The following ALOX12 variants were observed in gnomAD, a reference collection of about 807,000 sequenced individuals.
The protein encoded by ALOX12 is polyunsaturated fatty acid lipoxygenase ALOX12.
In ALOX12, 62 loss-of-function variants were observed where a neutral mutation model predicts 85.5. The observed-to-expected ratio is 0.73, with a 90% CI of 0.59 to 0.90. The LOEUF (loss-of-function observed/expected upper bound fraction) is 0.90, where lower values mean the gene tolerates loss of function less well. ALOX12 is among the 40% of genes least tolerant of loss of function. The pLI is 0.00. For synonymous variants in ALOX12, 299 were observed against 332.7 expected (o/e 0.90, Z 1.10); for missense variants, 751 against 856.5 (o/e 0.88, Z 1.54).
rs1473647099 is a variant in ALOX12, at chr17:7,010,521, C to T, written c.*98C>T. The T allele has an allele frequency of 9.2e-6, 13 of 1,406,982 alleles. No individual in the cohort carries two copies. Among genetic ancestry groups the T allele is most frequent in the Admixed American group, 2.5e-5 (1 of 40,626 alleles). 87.2% of individuals were successfully genotyped at this position (1,406,982 alleles called of 1,614,324 possible). A position where few individuals can be genotyped will look rare whatever the true frequency, so the allele number is the denominator to read the frequency against. On this transcript the variant is annotated 3_prime_UTR_variant, in exon 14 of 14. Transcript: ENST00000251535. ...TTTCCTAAAGTCTCTGCTGCTAAGG[C>T]TCTATTTCCTCCCCCAGTTAAACCC...
At chr17:7,002,291 T>A (rs999722259) in intron 8 of ALOX12, 1 of 345,896 alleles carries the variant, frequency 2.9e-6, no homozygotes, top group Non-Finnish European at 5.7e-6. Flanking sequence ...AAGCCGCTCA[T>A]ACCTGCCCAA....
In ALOX12 at chr17:6,999,442, G is replaced by A. The variant is rs1440003322; in HGVS notation, c.783G>A (p.Gln261=). The change falls in exon 6 of 14, where the codon CAG becomes CAA. Residue 261 remains glutamine (Q), a synonymous_variant. Transcript: ENST00000251535. ...TGCCCTCGGGGATGGAAGAGCTTCA[G>A]GCTCAACTGGAGAAAGAACTTCAGG... ...LVLPSGMEEL[Q]AQLEKELQNG... The A allele has an allele frequency of 6.2e-7, 1 of 1,614,012 alleles. No individual in the cohort carries two copies. Among genetic ancestry groups the A allele is most frequent in the African/African-American group, 1.3e-5 (1 of 74,922 alleles).
rs1908667907 is a variant in ALOX12 at position 7,000,742 on chromosome 17, G to C, written c.951+263G>C. On this transcript the variant is annotated intron_variant, in intron 7 of 13. Coordinates refer to ENST00000251535, the MANE Select transcript of ALOX12 (RefSeq NM_000697.3). The surrounding 1 kb of genome is among the most constrained non-coding windows in gnomAD (Gnocchi z 4.6). Reference sequence around the variant, plus strand: ...CAGTGTGCATCAGAATCACCTGAATGCCTGTTGAAATGCAGATTTCTGGAT... The same window carrying C: ...CAGTGTGCATCAGAATCACCTGAATCCCTGTTGAAATGCAGATTTCTGGAT... Among the ~76,000 whole-genome samples the C allele has an allele frequency of 6.6e-6, 1 of 152,128 alleles. No individual in the cohort carries two copies. Among genetic ancestry groups the C allele is most frequent in the Non-Finnish European group, 1.5e-5 (1 of 68,038 alleles).
At chr17:7,006,147 G>GAGA (rs1169431356) in intron 10 of ALOX12, 120 bp downstream of exon 10, 1 of 887,598 alleles carries the variant, frequency 1.1e-6, no homozygotes, top group East Asian at 2.7e-5. Flanking sequence ...CAATCCTGGG[G>GAGA]AGAGATGAGG....
Position 7,000,648 on chromosome 17 carries a change from G to A in ALOX12, c.951+169G>A, listed in dbSNP as rs1908664943. On this transcript the variant is annotated intron_variant, in intron 7 of 13. Transcript: ENST00000251535. The surrounding 1 kb of genome is among the most constrained non-coding windows in gnomAD (Gnocchi z 4.6). ...TCGTCTCCCCTGCCTCATCCAACTA[G>A]AATTACTTTTTCAAGAGTCAAAATG... Among the ~76,000 whole-genome samples, 1 of 152,142 alleles carries A rather than the reference G, an allele frequency of 6.6e-6. No homozygotes were observed. The highest frequency in any genetic ancestry group is 1.5e-5 in the Non-Finnish European group (1 of 68,032).
At chr17:7,009,550 G>C (rs1261817317) in intron 11 of ALOX12, 197 bp from the exon 12 acceptor site, 1 of 558,014 alleles carries the variant, frequency 1.8e-6, no homozygotes, top group Non-Finnish European at 3.2e-6. Context: ...AAAAAACTGA[G>C]GTTCAAATAG....
At chr17:7,004,434 T>A (rs1446911138) in intron 8 of ALOX12, among the ~76,000 whole-genome samples, 1 of 145,894 alleles carries the variant, frequency 6.9e-6, no homozygotes, top group Non-Finnish European at 1.5e-5. Context: ...CAATATTAAA[T>A]TAAATTTTAA....
Position 6,996,154 on chromosome 17 carries a change from TG to T in ALOX12, c.39del (p.Trp13CysfsTer51). Reference sequence around the variant, plus strand: ...CCGCATCCGCGTGGCCACCGGGGCCTGGCTCTTCTCCGGGTCGTACAACCGC... The same window carrying T: ...CCGCATCCGCGTGGCCACCGGGGCCTGCTCTTCTCCGGGTCGTACAACCGC... ...RYRIRVATGAWLFSGSYNRVQ... is the reference protein window; with the variant it reads ...RYRIRVATGAXLFSGSYNRVQ... On this transcript the variant is annotated frameshift_variant, in exon 1 of 14. Transcript: ENST00000251535. LOFTEE classifies it high-confidence loss of function. 1 of 1,253,494 alleles carries T rather than the reference TG, an allele frequency of 8.0e-7. No homozygotes were observed. The highest frequency in any genetic ancestry group is 3.9e-5 in the South Asian group (1 of 25,700). 77.6% of individuals were successfully genotyped at this position (1,253,494 alleles called of 1,614,324 possible).
Position 6,999,410 on chromosome 17 carries a change from C to CT in ALOX12, c.752dup (p.Val252SerfsTer24). The stretch of plus-strand genomic sequence containing the variant: ...ACGCTCGACCTCTCTGCCCTCCAGG[C>CT]TAGTGCTGCCCTCGGGGATGGAAGA... On this transcript the variant is annotated frameshift_variant, in exon 6 of 14. Coordinates refer to ENST00000251535, the MANE Select transcript of ALOX12 (RefSeq NM_000697.3). LOFTEE classifies it high-confidence loss of function. 6.2e-7 allele frequency: 1 copy of CT among 1,614,198 alleles called. No homozygotes were observed.
intron 11 of ALOX12, among the ~76,000 whole-genome samples, chr17:7,008,565 G>A (rs1177860452): frequency 6.6e-6 from 1 of 152,166 alleles, no homozygotes; most frequent in East Asian, 1.9e-4. Flanking sequence ...AGCCAACACG[G>A]TGAAACTCCA....
rs1279299252 is a variant in ALOX12 at position 6,997,021 on chromosome 17, G to A, written c.331G>A (p.Gly111Ser). 3 of 1,539,576 alleles carry A rather than the reference G, an allele frequency of 1.9e-6. No individual in the cohort carries two copies. The highest frequency in any genetic ancestry group is 1.2e-5 in the South Asian group (1 of 84,118). Reference protein sequence around the residue: ...QGEDILSLPEGTARLPGDNAL... With the variant: ...QGEDILSLPESTARLPGDNAL... Reference sequence around the variant, plus strand: ...CGAGGACATCCTGAGCCTGCCCGAGGGCACCGGTGAGCAGGCGGCGTCGGG... The same window carrying A: ...CGAGGACATCCTGAGCCTGCCCGAGAGCACCGGTGAGCAGGCGGCGTCGGG... The change falls in exon 2 of 14, where the codon GGC becomes AGC. Residue 111 changes from glycine to serine, a missense_variant. Gly to Ser is a moderately conservative substitution (Grantham distance 56). Coordinates refer to ENST00000251535, the MANE Select transcript of ALOX12 (RefSeq NM_000697.3).
At position 7,009,824 on chromosome 17, in the gene ALOX12, C is replaced by T; in HGVS notation, c.1618C>T (p.His540Tyr). The T allele has an allele frequency of 6.2e-7, 1 of 1,614,216 alleles. No individual in the cohort carries two copies. The highest frequency in any genetic ancestry group is 1.1e-5 in the South Asian group (1 of 91,082). The change falls in exon 12 of 14, where the codon CAT (histidine) becomes TAT (tyrosine). Residue 540 changes from histidine to tyrosine, a missense_variant. His to Tyr is a moderately conservative substitution (Grantham distance 83). Coordinates refer to ENST00000251535, the MANE Select transcript of ALOX12 (RefSeq NM_000697.3). Reference sequence around the variant, plus strand: ...GTGCGTCTTCACGTGCACTGCCCAGCATGCCGCCATCAACCAGGGCCAGGT... The same window carrying T: ...GTGCGTCTTCACGTGCACTGCCCAGTATGCCGCCATCAACCAGGGCCAGGT... ...TMCVFTCTAQ[H>Y]AAINQGQLDW...
intron 8 of ALOX12, among the ~76,000 whole-genome samples, chr17:7,004,075 T>TAAC (rs66486411): frequency 1.4e-4 from 1 of 7,026 alleles, no homozygotes; most frequent in Non-Finnish European, 5.4e-4. Context: ...AATTTTAATT[T>TAAC]ATTAAAATTA....
At chr17:6,997,163 G>A (rs1908488599) in intron 2 of ALOX12, 136 bp downstream of exon 2, 1 of 1,415,140 alleles carries the variant, frequency 7.1e-7, no homozygotes, top group South Asian at 1.6e-5. Context: ...GGGATCCCAG[G>A]GTGCTGGACA....
At chr17:7,005,474 CTTTTTTTTTT>C in intron 9 of ALOX12, 131 bp downstream of exon 9, 2 of 221,964 alleles carry the variant, frequency 9.0e-6, no homozygotes, top group South Asian at 3.3e-5. Flanking sequence ...ATACCCATGT[CTTTTTTTTTT>C]TTTTTTTTTT....
At chr17:6,999,108 C>A in intron 5 of ALOX12, 52 bp downstream of exon 5, 1 of 1,557,644 alleles carries the variant, frequency 6.4e-7, no homozygotes, top group Non-Finnish European at 8.8e-7. Context: ...CTCTGGATGA[C>A]TCATCACACT....
At chr17:7,004,399 AATTT>A (rs1451335135) in intron 8 of ALOX12, among the ~76,000 whole-genome samples, 1 of 141,862 alleles carries the variant, frequency 7.0e-6, no homozygotes, top group Non-Finnish European at 1.5e-5. Flanking sequence ...AATATTAATT[AATTT>A]AATTTTAATT....
chr17:7,002,310 T>G, intron 8 of ALOX12: 1 of 344,192 alleles, frequency 2.9e-6, no homozygotes, highest in Non-Finnish European at 5.7e-6. Flanking sequence ...AACAGTAAGG[T>G]GGATAGAGAT....
chr17:7,008,822 G>A (rs1909225769), intron 11 of ALOX12, among the ~76,000 whole-genome samples: 4 of 152,080 alleles, frequency 2.6e-5, no homozygotes, highest in Admixed American at 2.6e-4. Context: ...TAACCTTTGT[G>A]GGAGCCCCTC....
Sources: allele counts gnomAD v4.1 joint callset (sites outside exome capture counted in the v4.1 genomes callset), GRCh38; gene constraint gnomAD v4.1.1; non-coding constraint Gnocchi (gnomAD v3.1); transcripts MANE v1.5; gene names NCBI Gene and HGNC (gene_info 2026-07-23, HGNC 2026-07-21).